The following OTUD4 variants were observed in gnomAD, a reference collection of about 807,000 sequenced individuals.
The protein encoded by OTUD4 is OTU domain-containing protein 4.
A neutral mutation model predicts 130.4 loss-of-function variants in OTUD4; 24 were observed. The ratio of observed to expected loss-of-function variants is 0.18; its 90% CI spans 0.13 to 0.26. The LOEUF is 0.26. OTUD4 is among the 10% of genes least tolerant of loss of function. The probability of loss-of-function intolerance (pLI) is 1.00; values close to 1 mark genes in which losing one functional copy is unlikely to be tolerated. For synonymous variants in OTUD4, 420 were observed against 472.5 expected (o/e 0.89, Z 1.44); for missense variants, 1,031 against 1,329.4 (o/e 0.78, Z 3.49).
Position 145,134,313 on chromosome 4 carries a change from C to T in OTUD4, c.*3117G>A, listed in dbSNP as rs1433706763. On this transcript the variant is annotated 3_prime_UTR_variant, in exon 21 of 21. Coordinates refer to ENST00000447906, the MANE Select transcript of OTUD4 (RefSeq NM_001366057.1). ...AGTGTAGCCAAATATGCATTCTCTT[C>T]AGCTACACTAGAGTGGACCTTGCTT... The T allele has an allele frequency of 5.9e-6, 1 of 169,162 alleles. No individual in the cohort carries two copies. The highest frequency in any genetic ancestry group is 2.4e-5 in the African/African-American group (1 of 42,206). 10.5% of individuals were successfully genotyped at this position (169,162 alleles called of 1,614,324 possible). A position where few individuals can be genotyped will look rare whatever the true frequency, so the allele number is the denominator to read the frequency against.
chr4:145,163,146 CATTG>C (rs1324497877), intron 5 of OTUD4, among the ~76,000 whole-genome samples: 2 of 152,076 alleles, frequency 1.3e-5, no homozygotes, highest in Non-Finnish European at 2.9e-5. Context: ...GAAAAATGCA[CATTG>C]ATTTTGTTTA....
At chr4:145,153,634 G>A (rs752848538) in intron 10 of OTUD4, among the ~76,000 whole-genome samples, 1 of 152,156 alleles carries the variant, frequency 6.6e-6, no homozygotes, top group Non-Finnish European at 1.5e-5. Flanking sequence ...ATATTACGCA[G>A]TTGTAAATCC....
At chr4:145,167,480 G>A (rs1436892510) in intron 3 of OTUD4, among the ~76,000 whole-genome samples, 2 of 152,130 alleles carry the variant, frequency 1.3e-5, no homozygotes, top group African/African-American at 2.4e-5. Context: ...AGAGGAAACC[G>A]TTCACTGATA....
chr4:145,137,140 A>G lies in OTUD4; in HGVS notation c.*290T>C, dbSNP rs1173596057. 1 of 281,780 alleles carries G rather than the reference A, an allele frequency of 3.5e-6. No homozygotes were observed. The highest frequency in any genetic ancestry group is 6.6e-6 in the Non-Finnish European group (1 of 150,642). The allele number at this position is 281,780 out of a possible 1,614,324, so 17.5% of individuals were successfully genotyped here. On this transcript the variant is annotated 3_prime_UTR_variant, in exon 21 of 21. Coordinates refer to ENST00000447906, the MANE Select transcript of OTUD4 (RefSeq NM_001366057.1). Reference sequence around the variant, plus strand: ...AAACACTAAATCTATAATGTTTTATATTAAGCTGTTTATAAAAAATACTTT... The same window carrying G: ...AAACACTAAATCTATAATGTTTTATGTTAAGCTGTTTATAAAAAATACTTT...
chr4:145,162,560 A>T (rs1751631164), intron 6 of OTUD4, 80 bp downstream of exon 6: 2 of 765,234 alleles, frequency 2.6e-6, no homozygotes, highest in Non-Finnish European at 4.2e-6. Flanking sequence ...TCAAAAAAAA[A>T]CAAAAAACAA....
At position 145,150,639 on chromosome 4, in the gene OTUD4, G is replaced by A. The variant is rs1662006454; in HGVS notation, c.1133C>T (p.Pro378Leu). 6.2e-7 allele frequency: 1 copy of A among 1,612,696 alleles called. No individual in the cohort carries two copies. The highest frequency in any genetic ancestry group is 8.5e-7 in the Non-Finnish European group (1 of 1,178,766). The change falls in exon 13 of 21, where the codon CCT (proline) becomes CTT (leucine). Residue 378 changes from proline (P) to leucine (L), a missense_variant. Physicochemically the swap from Pro to Leu is moderately conservative, Grantham distance 98 (BLOSUM62 -3). This residue lies in a region of OTUD4 where 900 missense variants were observed against 1,095.9 expected (regional missense o/e 0.82). Transcript: ENST00000447906. ...SKPIKAPSALPPRLQHPSGVR... is the reference protein window; with the variant it reads ...SKPIKAPSALLPRLQHPSGVR... ...TCCTGAAGGATGCTGCAGTCGAGGA[G>A]GTAGTGCTGATGGGGCTTTTATTGG...
At chr4:145,152,246 G>A (rs1228568248) in intron 11 of OTUD4, among the ~76,000 whole-genome samples, 1 of 152,030 alleles carries the variant, frequency 6.6e-6, no homozygotes. Flanking sequence ...TGAGTAGCTG[G>A]AATTTACAGG....
chr4:145,162,768 A>G, intron 5 of OTUD4, 47 bp from the exon 6 acceptor site: 1 of 911,084 alleles, frequency 1.1e-6, no homozygotes, highest in South Asian at 1.5e-5. Flanking sequence ...CATACATATA[A>G]CATTTACATA....
At chr4:145,166,801 TGCACTCCA>T (rs1383425615) in intron 3 of OTUD4, among the ~76,000 whole-genome samples, 1 of 152,210 alleles carries the variant, frequency 6.6e-6, no homozygotes, top group African/African-American at 2.4e-5. Context: ...ATCGCGCTGC[TGCACTCCA>T]GCCTGGGAGA....
intron 17 of OTUD4, 39 bp downstream of exon 17, chr4:145,143,325 AG>A: frequency 8.0e-7 from 1 of 1,246,298 alleles, no homozygotes; most frequent in African/African-American, 1.5e-5. Flanking sequence ...AGAAACCCAG[AG>A]AGTGGAGCAT....
chr4:145,163,238 A>T (rs973229462), intron 5 of OTUD4, among the ~76,000 whole-genome samples: 1 of 152,224 alleles, frequency 6.6e-6, no homozygotes, highest in Non-Finnish European at 1.5e-5. Context: ...CAAAACCCTT[A>T]TAACAGTAGT....
In OTUD4 at chr4:145,138,008, G is replaced by C. The variant is rs752467336; in HGVS notation, c.2767C>G (p.Leu923Val). ...PEARGEHVHS[L>V]PEASVSSKPD... Reference sequence around the variant, plus strand: ...TTACTGCTCACACTTGCTTCAGGGAGAGAATGTACATGTTCACCCCTGGCT... The same window carrying C: ...TTACTGCTCACACTTGCTTCAGGGACAGAATGTACATGTTCACCCCTGGCT... The change falls in exon 21 of 21, where the codon CTC becomes GTC. Residue 923 changes from leucine (L) to valine (V), a missense_variant. Leu to Val is a conservative substitution (Grantham distance 32). Around this residue, in one of 3 missense-constraint regions of OTUD4, gnomAD observed 900 missense variants for 1,095.9 expected, o/e 0.82. Coordinates refer to ENST00000447906, the MANE Select transcript of OTUD4 (RefSeq NM_001366057.1). 5 of 1,614,064 alleles carry C rather than the reference G, an allele frequency of 3.1e-6. No homozygotes were observed. In the South Asian group the frequency reaches 5.5e-5, roughly 18 times the overall value.
intron 5 of OTUD4, among the ~76,000 whole-genome samples, chr4:145,163,226 C>A (rs188680424): frequency 6.6e-6 from 1 of 152,206 alleles, no homozygotes; most frequent in East Asian, 1.9e-4. Flanking sequence ...TCCCAGAAAC[C>A]CCAAAACCCT....
rs1255295851 is a variant in OTUD4 at position 145,138,403 on chromosome 4, G to A, written c.2372C>T (p.Ser791Phe). Residue 791 changes from serine (S) to phenylalanine (F), a missense_variant, in exon 21 of 21, where the codon TCT becomes TTT. This residue lies in a region of OTUD4 where 900 missense variants were observed against 1,095.9 expected (regional missense o/e 0.82). Coordinates refer to ENST00000447906, the MANE Select transcript of OTUD4 (RefSeq NM_001366057.1). ...AGATGGAGGGATAACCAGAGGTGAA[G>A]AAAATGTCGGCGGTCCAATCTCTGG... ...PQPEIGPPTF[S>F]SPLVIPPSQV... The A allele has an allele frequency of 1.9e-6, 3 of 1,614,106 alleles. No homozygotes were observed. The highest frequency in any genetic ancestry group is 1.1e-5 in the South Asian group (1 of 91,088).
In OTUD4 at chr4:145,159,528, A is replaced by G. The variant is rs755813616; in HGVS notation, c.604T>C (p.Ser202Pro). The change falls in exon 7 of 21, where the codon TCA (serine) becomes CCA (proline). Residue 202 changes from serine to proline, a missense_variant. Physicochemically the swap from Ser to Pro is moderately conservative, Grantham distance 74. This residue lies in a region of OTUD4 where 900 missense variants were observed against 1,095.9 expected (regional missense o/e 0.82). Coordinates refer to ENST00000447906, the MANE Select transcript of OTUD4 (RefSeq NM_001366057.1). Reference protein sequence around the residue: ...EVADEDNSEISDSEDDSCKSK... With the variant: ...EVADEDNSEIPDSEDDSCKSK... ...TTGCAACTGTCATCCTCTGAATCTGATATTTCACTGTTATCTTCATCAGCT... is the reference window on the plus strand; with the variant it reads ...TTGCAACTGTCATCCTCTGAATCTGGTATTTCACTGTTATCTTCATCAGCT... 8 of 1,613,488 alleles carry G rather than the reference A, an allele frequency of 5.0e-6. No homozygotes were observed. Among genetic ancestry groups the G allele is most frequent in the South Asian group, 3.3e-5 (3 of 91,062 alleles).
At chr4:145,177,297 A>G in intron 1 of OTUD4, among the ~76,000 whole-genome samples, 1 of 152,264 alleles carries the variant, frequency 6.6e-6, no homozygotes, top group African/African-American at 2.4e-5. Context: ...TGGTAGGCAT[A>G]TCTACTGGTT....
chr4:145,161,843 C>A (rs1751585796), intron 6 of OTUD4, among the ~76,000 whole-genome samples: 1 of 152,186 alleles, frequency 6.6e-6, no homozygotes, highest in South Asian at 2.1e-4. Flanking sequence ...GATTTTCAAG[C>A]TATACACTAA....
chr4:145,165,136 T>C lies in OTUD4; in HGVS notation c.341+15A>G, dbSNP rs533957603. ...TGGTTTCATTTTCTTTTACTTATGT[T>C]ATTACAGTGTTTACCTGTACATAAG... On this transcript the variant is annotated intron_variant, in intron 4 of 20. Transcript: ENST00000447906. The C allele has an allele frequency of 3.4e-6, 5 of 1,476,526 alleles. No individual in the cohort carries two copies. Among genetic ancestry groups the C allele is most frequent in the Non-Finnish European group, 2.8e-6 (3 of 1,067,614 alleles). The allele number at this position is 1,476,526 out of a possible 1,614,324, so 91.5% of individuals were successfully genotyped here. A position where few individuals can be genotyped will look rare whatever the true frequency, so the allele number is the denominator to read the frequency against.
intron 5 of OTUD4, among the ~76,000 whole-genome samples, chr4:145,163,149 T>C (rs1369654655): frequency 6.6e-6 from 1 of 152,210 alleles, no homozygotes; most frequent in East Asian, 1.9e-4. Flanking sequence ...AAATGCACAT[T>C]GATTTTGTTT....
Sources: allele counts gnomAD v4.1 joint callset (sites outside exome capture counted in the v4.1 genomes callset), GRCh38; gene constraint gnomAD v4.1.1; regional missense constraint gnomAD v4.1.1; transcripts MANE v1.5; gene names NCBI Gene and HGNC (gene_info 2026-07-23, HGNC 2026-07-21).